CSMD1: variants seen among roughly 807,000 people sequenced by gnomAD.
The protein encoded by CSMD1 is CUB and sushi domain-containing protein 1.
A neutral mutation model predicts 417.5 loss-of-function variants in CSMD1; 213 were observed. The ratio of observed to expected loss-of-function variants is 0.51; its 90% CI spans 0.46 to 0.57. The LOEUF is 0.57. CSMD1 is among the 20% of genes least tolerant of loss of function. The pLI is 0.00. For synonymous variants in CSMD1, 2,862 were observed against 1,736.8 expected, an observed-to-expected ratio of 1.65 and a Z score of -16.11; for missense variants, 6,923 against 4,529.7, an observed-to-expected ratio of 1.53 and a Z score of -15.17.
chr8:3,470,644 G>T (rs1817035278), intron 11 of CSMD1, among the ~76,000 whole-genome samples: 1 of 151,988 alleles, frequency 6.6e-6, no homozygotes, highest in African/African-American at 2.4e-5. Context: ...ATTCTCTGGT[G>T]CTCTTCCCTT....
At chr8:3,368,637 C>T (rs1275690999) in intron 19 of CSMD1, among the ~76,000 whole-genome samples, 1 of 152,126 alleles carries the variant, frequency 6.6e-6, no homozygotes, top group South Asian at 2.1e-4. Context: ...CTTCACCTGG[C>T]CCCAAATAGA....
chr8:3,260,411 G>C (rs992379284), intron 26 of CSMD1, among the ~76,000 whole-genome samples: 1 of 151,946 alleles, frequency 6.6e-6, no homozygotes. Flanking sequence ...ACACATAGAA[G>C]GAGTATATCC....
intron 3 of CSMD1, among the ~76,000 whole-genome samples, chr8:4,197,112 T>C (rs533282050): frequency 6.6e-6 from 1 of 152,266 alleles, no homozygotes; most frequent in African/African-American, 2.4e-5. Context: ...ATGCAAAGTG[T>C]GTCCTCAAGC....
chr8:3,526,057 A>G (rs1360232281), intron 10 of CSMD1, among the ~76,000 whole-genome samples: 1 of 152,194 alleles, frequency 6.6e-6, no homozygotes, highest in Non-Finnish European at 1.5e-5. Context: ...GCCTGGGTAT[A>G]TGTAGCTTCA....
At chr8:2,942,388 A>T (rs1801938596) in intron 69 of CSMD1, 84 bp downstream of exon 69, 2 of 1,166,186 alleles carry the variant, frequency 1.7e-6, no homozygotes, top group Non-Finnish European at 2.4e-6. Flanking sequence ...ATACATGTGC[A>T]TGTGAGCACG....
At chr8:3,566,336 TA>T (rs1799707087) in intron 10 of CSMD1, among the ~76,000 whole-genome samples, 1 of 152,126 alleles carries the variant, frequency 6.6e-6, no homozygotes, top group African/African-American at 2.4e-5. Context: ...ATCGATTACA[TA>T]TTCCTCACAA....
intron 7 of CSMD1, among the ~76,000 whole-genome samples, chr8:3,642,871 T>C (rs769794264): frequency 3.3e-5 from 5 of 151,882 alleles, no homozygotes; most frequent in African/African-American, 1.2e-4. Flanking sequence ...AGATTATACA[T>C]ATATATAGAT....
chr8:4,776,946 A>G (rs1038110303), intron 1 of CSMD1, among the ~76,000 whole-genome samples: 5 of 152,228 alleles, frequency 3.3e-5, no homozygotes, highest in Non-Finnish European at 7.3e-5. Flanking sequence ...TGGTGTTTGT[A>G]AAATTACGAG....
rs113640299 is a variant in CSMD1, at chr8:3,300,287, T to C, written c.3950+7408A>G. On this transcript the variant is annotated intron_variant, in intron 25 of 69. Coordinates refer to ENST00000635120, the MANE Select transcript of CSMD1 (RefSeq NM_033225.6). ...TATGTTTGTATTTGCATAGAAAAAATTTTAAAAAGCTATATCACCTTTTCA... is the reference window on the plus strand; with the variant it reads ...TATGTTTGTATTTGCATAGAAAAAACTTTAAAAAGCTATATCACCTTTTCA... Among the ~76,000 whole-genome samples, 676 of 152,174 alleles carry C rather than the reference T, an allele frequency of 4.4e-3. 3 individuals are homozygous for C. The highest frequency in any genetic ancestry group is 0.016 in the African/African-American group (661 of 41,560).
In CSMD1 at chr8:3,266,590, G is replaced by A. The variant is rs182539784; in HGVS notation, c.4153+17554C>T. Among the ~76,000 whole-genome samples, 554 of 119,508 alleles carry A rather than the reference G, an allele frequency of 4.6e-3. 3 individuals carry two copies. The highest frequency in any genetic ancestry group is 0.016 in the African/African-American group (514 of 31,428). The allele number at this position is 119,508 out of a possible 152,430, so 78.4% of individuals were successfully genotyped here. A position where few individuals can be genotyped will look rare whatever the true frequency, so the allele number is the denominator to read the frequency against. On this transcript the variant is annotated intron_variant, in intron 26 of 69. Coordinates refer to ENST00000635120, the MANE Select transcript of CSMD1 (RefSeq NM_033225.6). ...CATTGCATTCCAGCCTGGTGGCAGA[G>A]TGAGACTCCCTCTCAAAAAAAAAAA...
intron 3 of CSMD1, among the ~76,000 whole-genome samples, chr8:4,412,674 G>A (rs1484709320): frequency 6.6e-6 from 1 of 152,148 alleles, no homozygotes; most frequent in Non-Finnish European, 1.5e-5. Flanking sequence ...GATTTTCAGG[G>A]TTAAATGTAT....
At chr8:4,145,181 A>G (rs1032172710) in intron 3 of CSMD1, among the ~76,000 whole-genome samples, 2 of 151,118 alleles carry the variant, frequency 1.3e-5, no homozygotes, top group Non-Finnish European at 1.5e-5. Flanking sequence ...TTCAATTACT[A>G]AAACACTAGT....
intron 5 of CSMD1, among the ~76,000 whole-genome samples, chr8:3,806,344 T>C (rs567311621): frequency 3.9e-5 from 6 of 152,184 alleles, no homozygotes; most frequent in Non-Finnish European, 7.3e-5. Context: ...CAACCAAGTA[T>C]ATAGAAATGA....
intron 1 of CSMD1, among the ~76,000 whole-genome samples, chr8:4,749,046 G>A (rs1171927979): frequency 1.4e-5 from 2 of 146,004 alleles, no homozygotes; most frequent in African/African-American, 5.3e-5. Context: ...GTGTGTGTGT[G>A]CCTGTGTGCG....
At chr8:4,969,849 C>G (rs1810124284) in intron 1 of CSMD1, among the ~76,000 whole-genome samples, 1 of 151,900 alleles carries the variant, frequency 6.6e-6, no homozygotes, top group African/African-American at 2.4e-5. Flanking sequence ...TCTCTCTTTA[C>G]TTAAACAAGT....
chr8:4,216,057 A>G (rs1800649249), intron 3 of CSMD1, among the ~76,000 whole-genome samples: 1 of 152,196 alleles, frequency 6.6e-6, no homozygotes, highest in South Asian at 2.1e-4. Context: ...ACGCCAGCCT[A>G]TGGGAAGAAA....
intron 1 of CSMD1, among the ~76,000 whole-genome samples, chr8:4,808,139 A>G (rs1290234322): frequency 6.6e-6 from 1 of 152,170 alleles, no homozygotes; most frequent in African/African-American, 2.4e-5. Context: ...AGAGGAATCC[A>G]CCACCACGAT....
At chr8:4,132,052 G>C (rs1432431900) in intron 3 of CSMD1, among the ~76,000 whole-genome samples, 1 of 151,990 alleles carries the variant, frequency 6.6e-6, no homozygotes, top group Non-Finnish European at 1.5e-5. Flanking sequence ...CATAACAAAG[G>C]TAAAAGCAAA....
chr8:2,999,433 C>T (rs569059246), intron 53 of CSMD1, among the ~76,000 whole-genome samples: 61 of 152,208 alleles, frequency 4.0e-4, no homozygotes, highest in African/African-American at 1.0e-3. Flanking sequence ...GGATTACAGG[C>T]GTGAGCCACC....
Sources: gnomAD v4.1 joint callset for allele counts (sites outside exome capture counted in the v4.1 genomes callset) on GRCh38, gnomAD v4.1.1 for gene constraint, MANE v1.5 for transcripts, NCBI Gene and HGNC (gene_info 2026-07-23, HGNC 2026-07-21) for gene names.